Variants in TENM2 observed in about 807,000 individuals in gnomAD.
The protein encoded by TENM2 is teneurin-2.
Under a neutral mutation model 245.2 loss-of-function variants are expected in TENM2, and 52 were observed. The ratio of observed to expected loss-of-function variants is 0.21; its 90% CI spans 0.17 to 0.27. The LOEUF is 0.27. Ranked by LOEUF, TENM2 falls within the 10% of genes least tolerant of loss-of-function variation. TENM2 has a pLI of 1.00. For missense variants in TENM2, 3,046 were observed against 3,666.8 expected (o/e 0.83, Z 4.37); for synonymous variants, 1,363 against 1,438.9 (o/e 0.95, Z 1.19).
At position 168,082,086 on chromosome 5, in the gene TENM2, G is replaced by A. The variant is rs886395512; in HGVS notation, c.1516-8488G>A. ...GGCACACCAATCAGACGTAGATTTG[G>A]TCTTTTCACATAGTCCCATATTTCT... is the stretch of plus-strand genomic sequence containing the variant. On this transcript the variant is annotated intron_variant, in intron 7 of 28. Transcript: ENST00000518659. 4.6e-5 allele frequency among the ~76,000 whole-genome samples: 7 copies of A among 152,086 alleles called. No individual in the cohort carries two copies. In the South Asian group the frequency reaches 1.0e-3, roughly 23 times the overall value.
intron 4 of TENM2, among the ~76,000 whole-genome samples, chr5:167,989,298 G>GAGAGAGAGAGAGAGAT (rs772430462): frequency 6.8e-6 from 1 of 147,656 alleles, no homozygotes; most frequent in African/African-American, 2.5e-5. Flanking sequence ...GAGAGAGAGA[G>GAGAGAGAGAGAGAGAT]AGATAGATAG....
rs1777951060 is a variant in TENM2, at chr5:167,928,694, G to C, written c.713-23894G>C. Among the ~76,000 whole-genome samples, 4 of 151,908 alleles carry C rather than the reference G, an allele frequency of 2.6e-5. No individual in the cohort carries two copies. In the South Asian group the frequency reaches 8.4e-4, roughly 32 times the overall value. On this transcript the variant is annotated intron_variant, in intron 3 of 28. Transcript: ENST00000518659. ...GGATCACTTGAGGTCAGGAGTTCGA[G>C]ACCAGCCTGGCAAACGTGGTGAAAC...
chr5:167,729,776 C>T (rs1202364465), intron 2 of TENM2, among the ~76,000 whole-genome samples: 1 of 152,164 alleles, frequency 6.6e-6, no homozygotes, highest in Non-Finnish European at 1.5e-5. Context: ...GAAATTTGAA[C>T]TTGGCAGTTT....
chr5:167,800,802 C>A (rs1405319809), intron 2 of TENM2, among the ~76,000 whole-genome samples: 1 of 151,984 alleles, frequency 6.6e-6, no homozygotes, highest in Non-Finnish European at 1.5e-5. Context: ...GTCTGGATGT[C>A]CCTTCAATTA....
chr5:168,131,902 A>G (rs1263856066), intron 12 of TENM2, among the ~76,000 whole-genome samples: 1 of 152,178 alleles, frequency 6.6e-6, no homozygotes, highest in African/African-American at 2.4e-5. Context: ...GGCTCTTATT[A>G]GAACTATCCT....
At chr5:168,127,452 C>A (rs1355017324) in intron 12 of TENM2, among the ~76,000 whole-genome samples, 1 of 152,190 alleles carries the variant, frequency 6.6e-6, no homozygotes, top group African/African-American at 2.4e-5. Flanking sequence ...TTCCCCATCA[C>A]CACCACCGTC....
At position 168,247,415 on chromosome 5, in the gene TENM2, G is replaced by A. The variant is rs777369815; in HGVS notation, c.6476G>A (p.Arg2159Gln). ...AGCAAACACTTCGACACCCATGGGCGGATCAAGGAGGTCCAGTATGAGATG... is the reference window on the plus strand; with the variant it reads ...AGCAAACACTTCGACACCCATGGGCAGATCAAGGAGGTCCAGTATGAGATG... The change falls in exon 27 of 29, where the codon CGG (arginine) becomes CAG (glutamine). Residue 2159 changes from arginine to glutamine, a missense_variant. Arg to Gln is a conservative substitution (Grantham distance 43). Coordinates refer to ENST00000518659, the Ensembl canonical transcript of TENM2. This position sits in a 1 kb window ranked among gnomAD's most constrained non-coding sequence, Gnocchi z 7.8. 2.6e-5 allele frequency: 42 copies of A among 1,613,762 alleles called. No homozygotes were observed. Among genetic ancestry groups the A allele is most frequent in the East Asian group, 4.5e-5 (2 of 44,870 alleles).
the TENM2 span, among the ~76,000 whole-genome samples, chr5:167,165,654 G>A: frequency 6.6e-6 from 1 of 152,000 alleles, no homozygotes; most frequent in East Asian, 1.9e-4. Context: ...TATGACTAAG[G>A]TATAATAAGA....
intron 2 of TENM2, among the ~76,000 whole-genome samples, chr5:167,582,874 G>A (rs561123840): frequency 1.3e-5 from 2 of 152,168 alleles, no homozygotes; most frequent in African/African-American, 4.8e-5. Context: ...TTGACTCTTA[G>A]AAATGAATCA....
At chr5:168,156,172 C>T (rs1370790995) in intron 12 of TENM2, among the ~76,000 whole-genome samples, 1 of 135,352 alleles carries the variant, frequency 7.4e-6, no homozygotes, top group Admixed American at 8.4e-5. Context: ...CAAGCTCACA[C>T]AGACAGTAAG....
At chr5:168,199,347 A>G (rs1369772122) in intron 16 of TENM2, among the ~76,000 whole-genome samples, 1 of 152,252 alleles carries the variant, frequency 6.6e-6, no homozygotes, top group Non-Finnish European at 1.5e-5. Flanking sequence ...TTAATAAAAT[A>G]AAAACAACAT....
At chr5:167,230,060 G>A in the TENM2 span, among the ~76,000 whole-genome samples, 5 of 152,306 alleles carry the variant, frequency 3.3e-5, no homozygotes, top group South Asian at 1.0e-3. Flanking sequence ...CCTCAGCCCA[G>A]TTGCAGGGCA....
At chr5:167,609,519 C>CAAAAAAAAAA (rs1171421408) in intron 2 of TENM2, among the ~76,000 whole-genome samples, 1 of 128,952 alleles carries the variant, frequency 7.8e-6, no homozygotes, top group African/African-American at 3.1e-5. Flanking sequence ...AAAACAAAAC[C>CAAAAAAAAAA]TTACCTAGAA....
intron 2 of TENM2, among the ~76,000 whole-genome samples, chr5:167,399,047 C>T (rs529420140): frequency 3.3e-5 from 5 of 152,234 alleles, no homozygotes; most frequent in South Asian, 2.1e-4. Flanking sequence ...ACATTAAAGG[C>T]GATGGGGATT....
intron 2 of TENM2, among the ~76,000 whole-genome samples, chr5:167,702,926 G>T (rs1016434952): frequency 6.6e-6 from 1 of 152,082 alleles, no homozygotes; most frequent in African/African-American, 2.4e-5. Flanking sequence ...ACCTCCCAAA[G>T]TGCTGGGATT....
At chr5:167,280,672 T>C (rs1770989804), upstream of TENM2, among the ~76,000 whole-genome samples, 1 of 152,096 alleles carries the variant, frequency 6.6e-6, no homozygotes, top group Non-Finnish European at 1.5e-5. Context: ...GGAGGCTCAC[T>C]TTTGTTGTCT....
intron 2 of TENM2, among the ~76,000 whole-genome samples, chr5:167,473,007 A>G (rs2127515064): frequency 6.6e-6 from 1 of 152,290 alleles, no homozygotes; most frequent in East Asian, 1.9e-4. Context: ...GAAAAACTAA[A>G]AACAAATACA....
Position 168,019,153 on chromosome 5 carries a change from G to A in TENM2, c.1186+25971G>A, listed in dbSNP as rs189671136. 2.8e-3 allele frequency among the ~76,000 whole-genome samples: 423 copies of A among 152,254 alleles called. 2 individuals carry two copies. Among genetic ancestry groups the A allele is most frequent in the African/African-American group, 8.4e-3 (349 of 41,544 alleles). ...GAAATCATGGTGAGTAGAATGCCAC[G>A]TATCATTAACACTGGAGCAAAAAGT... On this transcript the variant is annotated intron_variant, in intron 5 of 28. Transcript: ENST00000518659.
At chr5:167,415,958 A>C (rs998032645) in intron 2 of TENM2, among the ~76,000 whole-genome samples, 4 of 152,166 alleles carry the variant, frequency 2.6e-5, no homozygotes, top group Non-Finnish European at 5.9e-5. Flanking sequence ...GTATGCTATG[A>C]TGAATTGTCA....
Sources: gnomAD v4.1 joint callset for allele counts (sites outside exome capture counted in the v4.1 genomes callset) on GRCh38, gnomAD v4.1.1 for gene constraint, Gnocchi (gnomAD v3.1) non-coding constraint, MANE v1.5 for transcripts, NCBI Gene and HGNC (gene_info 2026-07-23, HGNC 2026-07-21) for gene names.